Variants in TASP1 observed in about 807,000 individuals in gnomAD.
TASP1 encodes the protein threonine aspartase 1.
In TASP1, 16 loss-of-function variants were observed where a neutral mutation model predicts 56.6. The observed-to-expected ratio is 0.28, with a 90% CI of 0.19 to 0.43. TASP1 has a LOEUF of 0.43. Ranked by LOEUF, TASP1 falls within the 20% of genes least tolerant of loss-of-function variation. The pLI, the probability that TASP1 is intolerant of heterozygous loss-of-function variation, is 1.00. For missense variants in TASP1, 393 were observed against 511.6 expected (o/e 0.77, Z 2.24); for synonymous variants, 179 against 184.2 (o/e 0.97, Z 0.23).
the TASP1 span, among the ~76,000 whole-genome samples, chr20:13,310,536 A>T: frequency 2.0e-5 from 3 of 152,246 alleles, no homozygotes; most frequent in Admixed American, 1.3e-4. Flanking sequence ...CTCCTGCCCA[A>T]ATATGTAGGC....
chr20:13,139,141 TG>T, the TASP1 span, among the ~76,000 whole-genome samples: 3 of 152,232 alleles, frequency 2.0e-5, no homozygotes, highest in African/African-American at 7.2e-5. Flanking sequence ...GCACTTAGGA[TG>T]TTTTTCAATC....
At chr20:13,493,301 C>A (rs980376494) in intron 10 of TASP1, among the ~76,000 whole-genome samples, 1 of 152,152 alleles carries the variant, frequency 6.6e-6, no homozygotes, top group Admixed American at 6.6e-5. Context: ...TGTGAGGGTG[C>A]TGCCAGAGGA....
intron 12 of TASP1, among the ~76,000 whole-genome samples, chr20:13,428,156 C>G (rs558229779): frequency 1.8e-4 from 27 of 152,166 alleles, no homozygotes; most frequent in Admixed American, 3.9e-4. Flanking sequence ...TCATTGATCG[C>G]CACATTCACT....
At chr20:13,622,727 T>C (rs1376951327) in intron 4 of TASP1, among the ~76,000 whole-genome samples, 1 of 152,212 alleles carries the variant, frequency 6.6e-6, no homozygotes, top group Non-Finnish European at 1.5e-5. Flanking sequence ...ATGTCTTACT[T>C]GATTCCCTAA....
the TASP1 span, among the ~76,000 whole-genome samples, chr20:13,116,739 C>G: frequency 6.6e-6 from 1 of 152,104 alleles, no homozygotes; most frequent in African/African-American, 2.4e-5. Context: ...CAGCAGTGGC[C>G]CTCTATATGT....
At chr20:13,436,195 T>C (rs1050491128) in intron 11 of TASP1, among the ~76,000 whole-genome samples, 4 of 151,938 alleles carry the variant, frequency 2.6e-5, no homozygotes, top group Admixed American at 1.3e-4. Context: ...GGTTCAGAAA[T>C]TGTAGGCTTC....
chr20:13,256,638 A>C, the TASP1 span, among the ~76,000 whole-genome samples: 1 of 152,112 alleles, frequency 6.6e-6, no homozygotes, highest in Non-Finnish European at 1.5e-5. Context: ...AGAGGCTGGC[A>C]ATGGTGGTGT....
the TASP1 span, among the ~76,000 whole-genome samples, chr20:13,259,713 C>G: frequency 3.3e-5 from 5 of 152,190 alleles, no homozygotes; most frequent in Non-Finnish European, 7.3e-5. Context: ...TCTATATCTA[C>G]AGAATGAAAA....
the TASP1 span, among the ~76,000 whole-genome samples, chr20:13,120,249 T>C: frequency 6.6e-6 from 1 of 152,150 alleles, no homozygotes; most frequent in African/African-American, 2.4e-5. Context: ...AGATAGTTGA[T>C]AGACAGATGA....
chr20:13,461,891 T>C (rs993612396), intron 11 of TASP1, among the ~76,000 whole-genome samples: 2 of 152,160 alleles, frequency 1.3e-5, no homozygotes, highest in East Asian at 1.9e-4. Flanking sequence ...AGACAGCAGA[T>C]GTTTATACAA....
chr20:13,372,913 T>A, the TASP1 span, among the ~76,000 whole-genome samples: 2 of 152,180 alleles, frequency 1.3e-5, no homozygotes, highest in Non-Finnish European at 2.9e-5. Context: ...CCTGTATAGC[T>A]CTATTACCCA....
the TASP1 span, among the ~76,000 whole-genome samples, chr20:13,252,013 A>T: frequency 6.6e-6 from 1 of 152,158 alleles, no homozygotes; most frequent in Non-Finnish European, 1.5e-5. Flanking sequence ...TGCTGGAGGA[A>T]AGCAAAGCTC....
chr20:13,268,730 C>T, the TASP1 span, among the ~76,000 whole-genome samples: 1 of 152,040 alleles, frequency 6.6e-6, no homozygotes, highest in African/African-American at 2.4e-5. Flanking sequence ...TTCCTGAGCC[C>T]CATTCCTATT....
At chr20:13,615,746 G>T (rs1286237504) in intron 4 of TASP1, among the ~76,000 whole-genome samples, 1 of 151,844 alleles carries the variant, frequency 6.6e-6, no homozygotes, top group Non-Finnish European at 1.5e-5. Context: ...CTCGTGATCC[G>T]CCCGTCTCGG....
the TASP1 span, among the ~76,000 whole-genome samples, chr20:13,178,826 C>T: frequency 6.6e-6 from 1 of 151,970 alleles, no homozygotes; most frequent in Middle Eastern, 3.4e-3. Context: ...TACAAAATTA[C>T]AGCTAGATAG....
At chr20:13,608,858 C>T (rs1254701604) in intron 4 of TASP1, among the ~76,000 whole-genome samples, 4 of 152,064 alleles carry the variant, frequency 2.6e-5, no homozygotes, top group African/African-American at 9.6e-5. Context: ...GGGAGACAAA[C>T]AATAAGAAAT....
At chr20:13,489,053 T>C (rs1325976312) in intron 10 of TASP1, among the ~76,000 whole-genome samples, 1 of 152,100 alleles carries the variant, frequency 6.6e-6, no homozygotes, top group Admixed American at 6.5e-5. Flanking sequence ...TCTCAGTGAC[T>C]TAAAATATAA....
chr20:13,121,773 C>G, the TASP1 span, among the ~76,000 whole-genome samples: 1 of 152,142 alleles, frequency 6.6e-6, no homozygotes, highest in Non-Finnish European at 1.5e-5. Flanking sequence ...AGCAAATAAA[C>G]TTCCATCCAG....
the TASP1 span, among the ~76,000 whole-genome samples, chr20:13,143,338 T>A: frequency 1.3e-5 from 2 of 152,204 alleles, no homozygotes; most frequent in East Asian, 1.9e-4. Context: ...TTCAAATAAA[T>A]GTGTATGAAA....
Sources: allele counts gnomAD v4.1 joint callset (sites outside exome capture counted in the v4.1 genomes callset), GRCh38; gene constraint gnomAD v4.1.1; transcripts MANE v1.5; gene names NCBI Gene and HGNC (gene_info 2026-07-23, HGNC 2026-07-21).